The following BRWD3 variants were observed in gnomAD, a reference collection of about 807,000 sequenced individuals.
BRWD3 encodes bromodomain and WD repeat domain containing 3, also known as bromodomain and WD repeat-containing protein 3.
In BRWD3, 10 loss-of-function variants were observed where a neutral mutation model predicts 149.7. The ratio of observed to expected loss-of-function variants is 0.07; its 90% CI spans 0.04 to 0.11. The LOEUF is 0.11. BRWD3 is among the 10% of genes least tolerant of loss of function. BRWD3 has a pLI of 1.00. For missense variants in BRWD3, 940 were observed against 1,373.2 expected (o/e 0.68, Z 4.99); for synonymous variants, 504 against 456.7 (o/e 1.10, Z -1.32).
intron 8 of BRWD3, among the ~76,000 whole-genome samples, chrX:80,737,180 T>C (rs2073416335): frequency 9.0e-6 from 1 of 111,397 alleles, no homozygotes. Flanking sequence ...TCCGTTGGTA[T>C]CATTGAGACA....
At chrX:80,682,420 C>A in intron 38 of BRWD3, 45 bp downstream of exon 38, 1 of 1,181,484 alleles carries the variant, frequency 8.5e-7, no homozygotes, top group Non-Finnish European at 1.2e-6. Flanking sequence ...GTAATACATA[C>A]AAAATGCTTT....
chrX:80,787,624 T>C (rs1602436112), intron 6 of BRWD3, among the ~76,000 whole-genome samples: 1 of 105,502 alleles, frequency 9.5e-6, no homozygotes, highest in African/African-American at 3.5e-5. Context: ...GATATAAAAA[T>C]TAAAATGATC....
In BRWD3 at chrX:80,691,157, A is replaced by C; in HGVS notation, c.3498T>G (p.Phe1166Leu). The change falls in exon 31 of 41, where the codon TTT (phenylalanine) becomes TTG (leucine). Residue 1166 changes from phenylalanine to leucine, a missense_variant. By Grantham distance (22) the Phe-to-Leu change is conservative (BLOSUM62 0). Around this residue, in one of 6 missense-constraint regions of BRWD3, gnomAD observed 158 missense variants for 284.0 expected, o/e 0.56. Coordinates refer to ENST00000373275, the MANE Select transcript of BRWD3 (RefSeq NM_153252.5). ...AGGCACTGAGATCCACTGGAACAGCAAAAGGGCTGGCAAAATCTACAAAAT... is the reference window on the plus strand; with the variant it reads ...AGGCACTGAGATCCACTGGAACAGCCAAAGGGCTGGCAAAATCTACAAAAT... ...HLLSLDFASP[F>L]AVPVDLSAYP... 8.3e-7 allele frequency: 1 copy of C among 1,208,645 alleles called. No individual in the cohort carries two copies. Among genetic ancestry groups the C allele is most frequent in the Non-Finnish European group, 1.1e-6 (1 of 893,095 alleles).
chrX:80,789,658 G>A (rs986800688), intron 6 of BRWD3, among the ~76,000 whole-genome samples: 3 of 110,924 alleles, frequency 2.7e-5, no homozygotes, highest in African/African-American at 9.8e-5. Flanking sequence ...TTACAGGCGT[G>A]AGCCACCCCG....
chrX:80,727,062 T>TCATGGGGA (rs2073261392), intron 14 of BRWD3, among the ~76,000 whole-genome samples: 1 of 109,989 alleles, frequency 9.1e-6, no homozygotes, highest in Admixed American at 9.7e-5. Context: ...AGTACATAGT[T>TCATGGGGA]ACTAGATCAT....
intron 6 of BRWD3, among the ~76,000 whole-genome samples, chrX:80,782,116 C>A (rs2074063461): frequency 9.0e-6 from 1 of 111,347 alleles, no homozygotes; most frequent in African/African-American, 3.3e-5. Context: ...CACTACAGGG[C>A]TATTGTATCC....
intron 20 of BRWD3, among the ~76,000 whole-genome samples, chrX:80,712,552 G>A (rs1350889036): frequency 1.8e-5 from 2 of 111,177 alleles, no homozygotes; most frequent in African/African-American, 6.6e-5. Context: ...CGAGATTGCA[G>A]CCTCTGCCCG....
At chrX:80,774,731 T>G (rs1486436072) in intron 6 of BRWD3, among the ~76,000 whole-genome samples, 1 of 111,496 alleles carries the variant, frequency 9.0e-6, no homozygotes, top group Admixed American at 9.6e-5. Flanking sequence ...TCCTCTTTTA[T>G]GTCCTGTATC....
intron 24 of BRWD3, among the ~76,000 whole-genome samples, chrX:80,700,734 T>C (rs1212701139): frequency 1.9e-5 from 2 of 106,905 alleles, no homozygotes; most frequent in Non-Finnish European, 3.9e-5. Flanking sequence ...CAAAACTCCC[T>C]GTCAAAAAAT....
At chrX:80,714,643 G>C (rs1326471731) in intron 20 of BRWD3, among the ~76,000 whole-genome samples, 1 of 111,794 alleles carries the variant, frequency 8.9e-6, no homozygotes, top group Non-Finnish European at 1.9e-5. Flanking sequence ...CTCAGGCACA[G>C]AGTCTCAGGA....
chrX:80,696,754 T>G lies in BRWD3; in HGVS notation c.3053A>C (p.Glu1018Ala), dbSNP rs1195692866. ...LDPISGKMTG[E>A]SFSIKYHDMP... ...AACTACTCACTTAATGGAAAAAGATTCTCCAGTCATTTTGCCTGAAATTGG... is the reference window on the plus strand; with the variant it reads ...AACTACTCACTTAATGGAAAAAGATGCTCCAGTCATTTTGCCTGAAATTGG... Residue 1018 changes from glutamate to alanine, a missense_variant, in exon 26 of 41, where the codon GAA becomes GCA. Physicochemically the swap from Glu to Ala is moderately radical, Grantham distance 107. This residue lies in a region of BRWD3 where 158 missense variants were observed against 284.0 expected (regional missense o/e 0.56). Transcript: ENST00000373275. 1 of 1,208,322 alleles carries G rather than the reference T, an allele frequency of 8.3e-7. No individual in the cohort carries two copies. The highest frequency in any genetic ancestry group is 1.8e-5 in the African/African-American group (1 of 56,804).
rs2072841781 is a variant in BRWD3 at position 80,704,987 on chromosome X, T to A, written c.2553-141A>T. ...TTCTAACTTAAGAGAAAAAATATCA[T>A]CCAGGCACGGTGGCTCACACCTGTA... On this transcript the variant is annotated intron_variant, in intron 22 of 40. Coordinates refer to ENST00000373275, the MANE Select transcript of BRWD3 (RefSeq NM_153252.5). The A allele has an allele frequency of 1.3e-5, 8 of 615,099 alleles. No homozygotes were observed. In the Admixed American group the frequency reaches 2.1e-4, roughly 16 times the overall value. 50.7% of individuals were successfully genotyped at this position (615,099 alleles called of 1,213,427 possible). A position where few individuals can be genotyped will look rare whatever the true frequency, so the allele number is the denominator to read the frequency against.
chrX:80,726,822 ATTC>A (rs2073257249), intron 14 of BRWD3, among the ~76,000 whole-genome samples: 1 of 110,713 alleles, frequency 9.0e-6, no homozygotes, highest in Non-Finnish European at 1.9e-5. Flanking sequence ...GTTTACCAAA[ATTC>A]TTCCCCGTGA....
At chrX:80,793,512 A>G in intron 5 of BRWD3, 110 bp downstream of exon 5, 1 of 859,892 alleles carries the variant, frequency 1.2e-6, no homozygotes, top group Non-Finnish European at 1.6e-6. Flanking sequence ...CATTGGCAAG[A>G]TAAGAAAAAC....
At position 80,725,061 on chromosome X, in the gene BRWD3, C is replaced by T; in HGVS notation, c.1393G>A (p.Asp465Asn). The T allele has an allele frequency of 8.3e-7, 1 of 1,207,781 alleles. No homozygotes were observed. The highest frequency in any genetic ancestry group is 1.1e-6 in the Non-Finnish European group (1 of 892,565). ...GCTTCTAGAACGAATACTTCATCAT[C>T]ATGTCCCTATAATAAAAATCAGTAT... ...GQLLHTLSGH[D>N]DEVFVLEAHP... The change falls in exon 15 of 41, where the codon GAT becomes AAT. Residue 465 changes from aspartate (D) to asparagine (N), a missense_variant. Around this residue, in one of 6 missense-constraint regions of BRWD3, gnomAD observed 209 missense variants for 396.8 expected, o/e 0.53. Coordinates refer to ENST00000373275, the MANE Select transcript of BRWD3 (RefSeq NM_153252.5).
At chrX:80,710,766 T>C in intron 20 of BRWD3, 1 of 461,045 alleles carries the variant, frequency 2.2e-6, no homozygotes, top group Admixed American at 2.5e-5. Flanking sequence ...GAAGACATAC[T>C]GATGATACTA....
At chrX:80,752,386 T>A (rs1287922145) in intron 6 of BRWD3, among the ~76,000 whole-genome samples, 1 of 111,599 alleles carries the variant, frequency 9.0e-6, no homozygotes, top group Admixed American at 9.5e-5. Context: ...CTTTTTGATA[T>A]AATGATTTAT....
At chrX:80,798,243 A>G (rs1016298388) in intron 4 of BRWD3, among the ~76,000 whole-genome samples, 1 of 111,782 alleles carries the variant, frequency 8.9e-6, no homozygotes, top group African/African-American at 3.2e-5. Context: ...CTTCCAAACT[A>G]TATCGATGTA....
intron 17 of BRWD3, among the ~76,000 whole-genome samples, chrX:80,721,303 T>C (rs778288312): frequency 1.9e-4 from 21 of 111,848 alleles, no homozygotes; most frequent in African/African-American, 6.2e-4. Flanking sequence ...AATTAGACTT[T>C]CTTATTCATT....
Sources: gnomAD v4.1 joint callset for allele counts (sites outside exome capture counted in the v4.1 genomes callset) on GRCh38, gnomAD v4.1.1 for gene constraint, gnomAD v4.1.1 regional missense constraint, MANE v1.5 for transcripts, NCBI Gene and HGNC (gene_info 2026-07-23, HGNC 2026-07-21) for gene names.